PCDH7: variants seen among roughly 807,000 people sequenced by gnomAD.
The protein encoded by PCDH7 is protocadherin 7, also known as protocadherin-7.
Under a neutral mutation model 58.9 loss-of-function variants are expected in PCDH7, and 17 were observed. The observed-to-expected ratio is 0.29, with a 90% CI of 0.20 to 0.43. The LOEUF is 0.43. Among genes scored for constraint, PCDH7 ranks in the 20% least tolerant of loss-of-function variants. The pLI is 1.00. For missense variants in PCDH7, 1,274 were observed against 1,441.0 expected (o/e 0.88, Z 1.88); for synonymous variants, 664 against 616.4 (o/e 1.08, Z -1.14).
intron 1 of PCDH7, 144 bp from the exon 2 acceptor site, chr4:30,920,009 A>T (rs560021627): frequency 1.5e-5 from 7 of 461,658 alleles, no homozygotes; most frequent in South Asian, 1.2e-4. Flanking sequence ...ATACATAGTT[A>T]ACTAATGCAG....
intron 1 of PCDH7, chr4:30,885,241 G>T (rs1737549523): frequency 1.3e-5 from 2 of 152,150 alleles, no homozygotes; most frequent in Non-Finnish European, 2.9e-5. Context: ...AAGAGACAGG[G>T]TACCATAGTG....
Position 30,723,794 on chromosome 4 carries a change from T to A in PCDH7, c.2372T>A (p.Leu791Gln). 1 of 1,614,168 alleles carries A rather than the reference T, an allele frequency of 6.2e-7. No individual in the cohort carries two copies. Among genetic ancestry groups the A allele is most frequent in the Non-Finnish European group, 8.5e-7 (1 of 1,180,034 alleles). ...ATTGTGGGAGGAAATCCCTTCAAGC[T>A]GTTTGAAATTGATCCCACTAGTGGT... Residue 791 changes from leucine (L) to glutamine (Q), a missense_variant, in exon 1 of 2, where the codon CTG becomes CAG. Leu to Gln is a moderately radical substitution (Grantham distance 113, BLOSUM62 -2). Transcript: ENST00000361762. The surrounding 1 kb of genome is among the most constrained non-coding windows in gnomAD (Gnocchi z 4.6).
intron 3 of PCDH7, among the ~76,000 whole-genome samples, chr4:31,087,706 A>G (rs759328092): frequency 6.6e-6 from 1 of 152,148 alleles, no homozygotes; most frequent in Non-Finnish European, 1.5e-5. Flanking sequence ...TATGAAGGGA[A>G]CTAAAATGTC....
intron 3 of PCDH7, among the ~76,000 whole-genome samples, chr4:31,001,557 G>A (rs923295660): frequency 4.0e-5 from 6 of 151,868 alleles, no homozygotes; most frequent in African/African-American, 1.2e-4. Context: ...ACACACACAC[G>A]TACATACATT....
At chr4:30,809,972 T>G (rs530690063) in intron 1 of PCDH7, among the ~76,000 whole-genome samples, 1 of 152,340 alleles carries the variant, frequency 6.6e-6, no homozygotes, top group East Asian at 1.9e-4. Flanking sequence ...TTTCTTGTTC[T>G]TCAATGTGCA....
chr4:30,819,404 C>A (rs1179975830), intron 1 of PCDH7, among the ~76,000 whole-genome samples: 1 of 152,126 alleles, frequency 6.6e-6, no homozygotes, highest in Non-Finnish European at 1.5e-5. Flanking sequence ...ACTATATATA[C>A]ACTTTTTCAT....
rs530609732 is a variant in PCDH7, at chr4:30,881,344, T to TCAAAACAAAA, written c.71-38792_71-38783dup. 4.7e-4 allele frequency among the ~76,000 whole-genome samples: 72 copies of TCAAAACAAAA among 151,942 alleles called. 2 individuals are homozygous for TCAAAACAAAA. In the South Asian group the frequency reaches 0.014, roughly 30 times the overall value. ...CTGGGTGATAGAGCAAGACTCCATC[T>TCAAAACAAAA]CAAAACAAAACAAAACAAAACAAAA... On this transcript the variant is annotated intron_variant, in intron 1 of 3. Coordinates refer to the PCDH7 transcript ENST00000509759.
rs369252495 is a variant in PCDH7 at position 30,764,344 on chromosome 4, T to G, written c.70+39748T>G. Among the ~76,000 whole-genome samples, 8 of 152,320 alleles carry G rather than the reference T, an allele frequency of 5.3e-5. No homozygotes were observed. The South Asian group carries it at 1.0e-3, about 20-fold the overall frequency. On this transcript the variant is annotated intron_variant, in intron 1 of 3. Transcript: ENST00000509759. ...ACCACACAAATGGTTAAACGTATGC[T>G]TAATGGGTACTTTACCATATAGTTT...
chr4:31,079,357 TATATATAC>T lies in PCDH7; in HGVS notation c.*8-63114_*8-63107del, dbSNP rs1168077529. Among the ~76,000 whole-genome samples, 187 of 85,062 alleles carry T rather than the reference TATATATAC, an allele frequency of 2.2e-3. 8 individuals are homozygous for T. Among genetic ancestry groups the T allele is most frequent in the African/African-American group, 3.5e-3 (69 of 19,588 alleles). The allele number at this position is 85,062 out of a possible 152,430, so 55.8% of individuals were successfully genotyped here. On this transcript the variant is annotated intron_variant, in intron 3 of 3. Transcript: ENST00000509759. Reference sequence around the variant, plus strand: ...ATATATATATATATATATATATATATATATATACACCACATTTTCAAAATAGACAGAAT... The same window carrying T: ...ATATATATATATATATATATATATATACCACATTTTCAAAATAGACAGAAT...
chr4:31,062,977 G>A (rs1216215242), intron 3 of PCDH7, among the ~76,000 whole-genome samples: 4 of 151,794 alleles, frequency 2.6e-5, no homozygotes, highest in African/African-American at 9.7e-5. Flanking sequence ...TACAGAAAGA[G>A]AGAATATGTG....
intron 1 of PCDH7, among the ~76,000 whole-genome samples, chr4:30,792,599 TA>T (rs945412214): frequency 3.1e-4 from 47 of 152,140 alleles, no homozygotes; most frequent in African/African-American, 1.1e-3. Flanking sequence ...GGTTCGATGT[TA>T]GGGGAAAAAT....
At chr4:31,085,853 CTTTT>C (rs10650645) in intron 3 of PCDH7, among the ~76,000 whole-genome samples, 1 of 138,950 alleles carries the variant, frequency 7.2e-6, no homozygotes, top group Admixed American at 7.2e-5. Flanking sequence ...CTCTCTCTCT[CTTTT>C]TTTTTTTTTT....
At chr4:30,737,790 C>T (rs1209343758), downstream of PCDH7, among the ~76,000 whole-genome samples, 2 of 152,108 alleles carry the variant, frequency 1.3e-5, no homozygotes, top group East Asian at 1.9e-4. Context: ...GAAAAACTCA[C>T]AATAGTTTGA....
chr4:30,958,697 T>C lies in PCDH7; in HGVS notation c.*7+8482T>C, dbSNP rs539329839. Among the ~76,000 whole-genome samples the C allele has an allele frequency of 8.5e-5, 13 of 152,160 alleles. No homozygotes were observed. In the South Asian group the frequency reaches 2.7e-3, roughly 32 times the overall value. On this transcript the variant is annotated intron_variant, in intron 3 of 3. Coordinates refer to the PCDH7 transcript ENST00000509759. ...AAATAAATGATTATGGTACATAATG[T>C]AGCATTTTGTTTCTTTTTAAGAATT...
At chr4:31,116,827 T>TG (rs1396804447) in intron 3 of PCDH7, among the ~76,000 whole-genome samples, 2 of 152,028 alleles carry the variant, frequency 1.3e-5, no homozygotes, top group Non-Finnish European at 2.9e-5. Flanking sequence ...GTGGGGTTTT[T>TG]TTGTTGTTGT....
chr4:31,077,431 G>T (rs1578732385), intron 3 of PCDH7, among the ~76,000 whole-genome samples: 1 of 147,656 alleles, frequency 6.8e-6, no homozygotes, highest in African/African-American at 2.5e-5. Flanking sequence ...AAAAGAAAAA[G>T]AAAAAAAGAA....
chr4:31,093,566 A>T (rs1160784243), intron 3 of PCDH7, among the ~76,000 whole-genome samples: 1 of 149,138 alleles, frequency 6.7e-6, no homozygotes, highest in Non-Finnish European at 1.5e-5. Context: ...ATTTATAGAA[A>T]TAAAGTGCAA....
Position 30,988,195 on chromosome 4 carries a change from C to T in PCDH7, c.*7+37980C>T, listed in dbSNP as rs369079011. ...GACATCATGGTAGGCAGAAACTGCA[C>T]GATAGTACCATGTGATAGGAAATGA... is the stretch of plus-strand genomic sequence containing the variant. On this transcript the variant is annotated intron_variant, in intron 3 of 3. Transcript: ENST00000509759. 1.2e-4 allele frequency among the ~76,000 whole-genome samples: 18 copies of T among 152,168 alleles called. No homozygotes were observed. In the South Asian group the frequency reaches 2.1e-3, roughly 18 times the overall value.
intron 1 of PCDH7, among the ~76,000 whole-genome samples, chr4:30,890,288 T>C (rs1189323357): frequency 2.0e-5 from 3 of 152,066 alleles, no homozygotes; most frequent in Admixed American, 6.6e-5. Context: ...TTAATGCAAT[T>C]CATACTCACT....
Sources: allele counts gnomAD v4.1 joint callset (sites outside exome capture counted in the v4.1 genomes callset), GRCh38; gene constraint gnomAD v4.1.1; non-coding constraint Gnocchi (gnomAD v3.1); transcripts MANE v1.5; gene names NCBI Gene and HGNC (gene_info 2026-07-23, HGNC 2026-07-21).